STX18: variants seen among roughly 807,000 people sequenced by gnomAD.
STX18 encodes syntaxin-18.
Under a neutral mutation model 50.1 loss-of-function variants are expected in STX18, and 40 were observed. That is an observed-to-expected ratio of 0.80 (90% CI 0.62 to 1.04). The LOEUF (loss-of-function observed/expected upper bound fraction) is 1.04, where lower values mean the gene tolerates loss of function less well. STX18 is among the 50% of genes least tolerant of loss of function. The probability of loss-of-function intolerance (pLI) is 0.00; values close to 1 mark genes in which losing one functional copy is unlikely to be tolerated. For missense variants in STX18, 410 were observed against 415.8 expected (o/e 0.99, Z 0.12); for synonymous variants, 158 against 151.8 (o/e 1.04, Z -0.30).
At chr4:4,507,949 C>A (rs1391387760) in intron 1 of STX18, among the ~76,000 whole-genome samples, 2 of 152,102 alleles carry the variant, frequency 1.3e-5, no homozygotes, top group East Asian at 3.9e-4. Context: ...GATCGGTCAC[C>A]ATGCCACAGA....
chr4:4,491,716 A>G (rs777267888), intron 1 of STX18, among the ~76,000 whole-genome samples: 8 of 152,146 alleles, frequency 5.3e-5, no homozygotes, highest in Non-Finnish European at 8.8e-5. Flanking sequence ...AAGCCTAGTG[A>G]TGCCACCTAA....
chr4:4,439,778 T>C (rs2108792323), intron 5 of STX18, among the ~76,000 whole-genome samples: 2 of 152,240 alleles, frequency 1.3e-5, no homozygotes, highest in South Asian at 4.2e-4. Flanking sequence ...CATTCCCCTG[T>C]TTCTTCCCCA....
chr4:4,484,049 A>G (rs1728586712), intron 1 of STX18, among the ~76,000 whole-genome samples: 1 of 152,046 alleles, frequency 6.6e-6, no homozygotes, highest in South Asian at 2.1e-4. Flanking sequence ...TTTTTAGTAG[A>G]GATGGGGTTT....
intron 1 of STX18, among the ~76,000 whole-genome samples, chr4:4,475,916 C>T (rs559662651): frequency 2.0e-5 from 3 of 152,244 alleles, no homozygotes; most frequent in African/African-American, 7.2e-5. Flanking sequence ...CCACCATATC[C>T]GGCCTATGTT....
intron 3 of STX18, 47 bp from the exon 4 acceptor site, chr4:4,457,547 TA>T (rs1254375816): frequency 2.0e-5 from 28 of 1,408,924 alleles, no homozygotes; most frequent in Non-Finnish European, 2.7e-5. Flanking sequence ...TCAATTATCC[TA>T]AAGAGCAATT....
chr4:4,451,250 TA>T, intron 5 of STX18, among the ~76,000 whole-genome samples: 1 of 152,224 alleles, frequency 6.6e-6, no homozygotes, highest in Non-Finnish European at 1.5e-5. Context: ...GGATTTTATT[TA>T]AAATTTAAAG....
intron 1 of STX18, among the ~76,000 whole-genome samples, chr4:4,508,152 T>C (rs979263149): frequency 6.6e-6 from 1 of 152,230 alleles, no homozygotes; most frequent in Non-Finnish European, 1.5e-5. Context: ...GAAGTGCCCG[T>C]GTGAAAAGCA....
chr4:4,490,961 A>G (rs1728913324), intron 1 of STX18, among the ~76,000 whole-genome samples: 1 of 152,190 alleles, frequency 6.6e-6, no homozygotes, highest in Non-Finnish European at 1.5e-5. Context: ...CAACTTAAAT[A>G]AAAACCCACA....
intron 1 of STX18, among the ~76,000 whole-genome samples, chr4:4,475,889 G>A (rs557028832): frequency 6.6e-6 from 1 of 152,278 alleles, no homozygotes; most frequent in South Asian, 2.1e-4. Flanking sequence ...CCAAAGTGCT[G>A]GGACTACAGG....
chr4:4,520,880 C>T (rs1405858890), intron 1 of STX18, among the ~76,000 whole-genome samples: 1 of 152,150 alleles, frequency 6.6e-6, no homozygotes, highest in Non-Finnish European at 1.5e-5. Context: ...ATAAGATGTC[C>T]ACATGTTTAA....
At chr4:4,479,487 C>T (rs1159952630) in intron 1 of STX18, among the ~76,000 whole-genome samples, 4 of 152,120 alleles carry the variant, frequency 2.6e-5, no homozygotes, top group African/African-American at 4.8e-5. Flanking sequence ...CTGTCTATAG[C>T]TATGGGCCAG....
intron 2 of STX18, among the ~76,000 whole-genome samples, chr4:4,467,137 G>C (rs115846182): frequency 0.035 from 5,319 of 152,126 alleles, 111 homozygotes; most frequent in Non-Finnish European, 0.049. Context: ...TTATCTATAG[G>C]AGCAAATGGG....
intron 1 of STX18, among the ~76,000 whole-genome samples, chr4:4,514,890 T>G (rs1284492221): frequency 1.3e-5 from 2 of 152,118 alleles, no homozygotes; most frequent in African/African-American, 4.8e-5. Flanking sequence ...TTTTGCCTTC[T>G]CTATGAAGAT....
At chr4:4,512,484 T>C (rs1730049986) in intron 1 of STX18, among the ~76,000 whole-genome samples, 1 of 151,846 alleles carries the variant, frequency 6.6e-6, no homozygotes, top group South Asian at 2.1e-4. Context: ...TGGGGATGAG[T>C]TCCCAGGAAG....
At chr4:4,486,505 C>T (rs1728705752) in intron 1 of STX18, among the ~76,000 whole-genome samples, 1 of 152,190 alleles carries the variant, frequency 6.6e-6, no homozygotes, top group South Asian at 2.1e-4. Context: ...ATAGTACTTA[C>T]TATATGCCAA....
At chr4:4,434,661 A>G in intron 7 of STX18, 109 bp downstream of exon 7, 1 of 805,994 alleles carries the variant, frequency 1.2e-6, no homozygotes, top group Middle Eastern at 2.3e-4. Context: ...TAATTTTTAA[A>G]ACTCAGTATA....
At chr4:4,488,989 C>T (rs753247223) in intron 1 of STX18, among the ~76,000 whole-genome samples, 6 of 152,166 alleles carry the variant, frequency 3.9e-5, no homozygotes, top group Non-Finnish European at 5.9e-5. Flanking sequence ...ATAATTTAAT[C>T]TCAACTGCTT....
In STX18 at chr4:4,420,141, C is replaced by T. The variant is rs369939340; in HGVS notation, c.913-12G>A. 35 of 1,601,846 alleles carry T rather than the reference C, an allele frequency of 2.2e-5. No individual in the cohort carries two copies. The highest frequency in any genetic ancestry group is 1.7e-4 in the African/African-American group (13 of 74,582). Reference sequence around the variant, plus strand: ...TTGTTTTTAATGGCCTGGGCAGGGACGGGAGCACAGGTGTTTTTATCACAC... The same window carrying T: ...TTGTTTTTAATGGCCTGGGCAGGGATGGGAGCACAGGTGTTTTTATCACAC... On this transcript the variant is annotated splice_polypyrimidine_tract_variant and intron_variant, in intron 10 of 10. Coordinates refer to ENST00000306200, the MANE Select transcript of STX18 (RefSeq NM_016930.4). The surrounding 1 kb of genome is among the most constrained non-coding windows in gnomAD (Gnocchi z 4.3).
At chr4:4,537,466 A>G (rs1731396065) in intron 1 of STX18, among the ~76,000 whole-genome samples, 1 of 152,164 alleles carries the variant, frequency 6.6e-6, no homozygotes, top group Non-Finnish European at 1.5e-5. Flanking sequence ...CTGACCAATT[A>G]AAGAAACATT....
Sources: gnomAD v4.1 joint callset for allele counts (sites outside exome capture counted in the v4.1 genomes callset) on GRCh38, gnomAD v4.1.1 for gene constraint, Gnocchi (gnomAD v3.1) non-coding constraint, MANE v1.5 for transcripts, NCBI Gene and HGNC (gene_info 2026-07-23, HGNC 2026-07-21) for gene names.